The following LDB2 variants were observed in gnomAD, a reference collection of about 807,000 sequenced individuals.
LDB2 encodes LIM domain binding 2.
In LDB2, 12 loss-of-function variants were observed where a neutral mutation model predicts 44.3. That is an observed-to-expected ratio of 0.27 (90% CI 0.17 to 0.44). The LOEUF is 0.44. Among genes scored for constraint, LDB2 ranks in the 20% least tolerant of loss-of-function variants. The pLI is 1.00. For synonymous variants in LDB2, 164 were observed against 174.8 expected (o/e 0.94, Z 0.49); for missense variants, 344 against 473.5 (o/e 0.73, Z 2.54).
At chr4:16,752,558 G>A in intron 2 of LDB2, 1 of 357,086 alleles carries the variant, frequency 2.8e-6, no homozygotes, top group Non-Finnish European at 5.4e-6. Context: ...GTAATTTGAA[G>A]TGGCTGTTGT....
intron 1 of LDB2, among the ~76,000 whole-genome samples, chr4:16,856,150 T>C (rs13150373): frequency 0.13 from 20,141 of 152,188 alleles, 1,448 homozygotes; most frequent in Middle Eastern, 0.2. Context: ...CCATCCACCC[T>C]TTATTAAACA....
intron 1 of LDB2, among the ~76,000 whole-genome samples, chr4:16,765,554 T>G (rs1321747783): frequency 6.6e-6 from 1 of 152,218 alleles, no homozygotes; most frequent in Non-Finnish European, 1.5e-5. Context: ...CTACGTTACT[T>G]AAGGATAGGG....
chr4:16,532,732 G>C (rs573058415), intron 5 of LDB2, among the ~76,000 whole-genome samples: 2 of 152,036 alleles, frequency 1.3e-5, no homozygotes, highest in South Asian at 4.2e-4. Context: ...ACCTTGCTCC[G>C]AATAATAACC....
intron 5 of LDB2, among the ~76,000 whole-genome samples, chr4:16,585,566 T>C (rs1020966070): frequency 6.6e-6 from 1 of 152,168 alleles, no homozygotes; most frequent in African/African-American, 2.4e-5. Context: ...GACCAGTGCC[T>C]GGGTGGAGGC....
chr4:16,786,550 T>C (rs1367588387), intron 1 of LDB2, among the ~76,000 whole-genome samples: 1 of 152,096 alleles, frequency 6.6e-6, no homozygotes, highest in African/African-American at 2.4e-5. Context: ...CTGCATAGTT[T>C]TTCAGTTTTC....
At chr4:16,644,432 T>TC (rs1433137013) in intron 2 of LDB2, among the ~76,000 whole-genome samples, 19 of 150,576 alleles carry the variant, frequency 1.3e-4, no homozygotes, top group African/African-American at 4.6e-4. Context: ...TTTTTTTCTT[T>TC]TTTTTTTTTT....
chr4:16,632,822 C>G (rs1310555951), intron 2 of LDB2, among the ~76,000 whole-genome samples: 1 of 152,198 alleles, frequency 6.6e-6, no homozygotes, highest in African/African-American at 2.4e-5. Flanking sequence ...AATAGGAACA[C>G]TTTTACACTG....
chr4:16,672,410 A>G (rs1386570410), intron 2 of LDB2, among the ~76,000 whole-genome samples: 1 of 152,202 alleles, frequency 6.6e-6, no homozygotes. Context: ...CTGAAAGTTC[A>G]TTGGCACCAT....
chr4:16,824,585 CA>C (rs888035544), intron 1 of LDB2, among the ~76,000 whole-genome samples: 3 of 152,140 alleles, frequency 2.0e-5, no homozygotes, highest in Non-Finnish European at 4.4e-5. Flanking sequence ...TGTCTTTGTC[CA>C]AGAGGCAAAG....
intron 1 of LDB2, among the ~76,000 whole-genome samples, chr4:16,876,085 C>T (rs973964047): frequency 4.0e-4 from 61 of 152,192 alleles, no homozygotes; most frequent in African/African-American, 1.2e-3. Context: ...TGGGCCATTC[C>T]GCAACCAACT....
rs531287335 is a variant in LDB2 at position 16,665,851 on chromosome 4, T to C, written c.236-69976A>G. Among the ~76,000 whole-genome samples the C allele has an allele frequency of 1.2e-3, 177 of 152,192 alleles. 1 individual carries two copies. The highest frequency in any genetic ancestry group is 3.4e-3 in the Middle Eastern group (1 of 294). Reference sequence around the variant, plus strand: ...CCCTAAATCTAATGACAAGTCCTTATAGGTGAAGAGAAGGGAAAACAGATA... The same window carrying C: ...CCCTAAATCTAATGACAAGTCCTTACAGGTGAAGAGAAGGGAAAACAGATA... On this transcript the variant is annotated intron_variant, in intron 2 of 7. Transcript: ENST00000304523.
At chr4:16,555,809 C>G (rs1362555414) in intron 5 of LDB2, among the ~76,000 whole-genome samples, 1 of 152,128 alleles carries the variant, frequency 6.6e-6, no homozygotes, top group East Asian at 1.9e-4. Context: ...TCAAATTGTT[C>G]TGAAGCATGG....
At chr4:16,733,869 A>G (rs1203827957) in intron 2 of LDB2, among the ~76,000 whole-genome samples, 3 of 152,194 alleles carry the variant, frequency 2.0e-5, no homozygotes, top group East Asian at 1.9e-4. Flanking sequence ...TCACACTATC[A>G]TCACATATTG....
intron 1 of LDB2, among the ~76,000 whole-genome samples, chr4:16,839,150 T>G (rs1028477685): frequency 1.1e-4 from 17 of 152,180 alleles, no homozygotes; most frequent in African/African-American, 4.1e-4. Context: ...TGAGCAAGCA[T>G]AGTAGTTCAT....
At chr4:16,507,556 C>T (rs977080005) in intron 7 of LDB2, among the ~76,000 whole-genome samples, 15 of 151,914 alleles carry the variant, frequency 9.9e-5, no homozygotes, top group African/African-American at 1.7e-4. Flanking sequence ...GTGGGAAAGA[C>T]GGAAAAGGTA....
At chr4:16,815,100 A>C (rs1379464682) in intron 1 of LDB2, among the ~76,000 whole-genome samples, 1 of 152,232 alleles carries the variant, frequency 6.6e-6, no homozygotes, top group African/African-American at 2.4e-5. Context: ...CATGAACTTT[A>C]ATAAACATTT....
At chr4:16,617,133 T>G (rs1657007994) in intron 2 of LDB2, among the ~76,000 whole-genome samples, 1 of 152,048 alleles carries the variant, frequency 6.6e-6, no homozygotes, top group Non-Finnish European at 1.5e-5. Flanking sequence ...TGATCCCCAG[T>G]TTTATAACAA....
intron 2 of LDB2, among the ~76,000 whole-genome samples, chr4:16,597,714 CTTTA>C (rs1721393411): frequency 6.6e-6 from 1 of 152,116 alleles, no homozygotes; most frequent in Non-Finnish European, 1.5e-5. Flanking sequence ...TAACATTATA[CTTTA>C]TTTATCATGA....
intron 2 of LDB2, among the ~76,000 whole-genome samples, chr4:16,718,404 G>A (rs546861094): frequency 6.6e-6 from 1 of 152,208 alleles, no homozygotes; most frequent in East Asian, 1.9e-4. Flanking sequence ...ACAATTTAAA[G>A]AATTTTTCAA....
Sources: allele counts gnomAD v4.1 joint callset (sites outside exome capture counted in the v4.1 genomes callset), GRCh38; gene constraint gnomAD v4.1.1; transcripts MANE v1.5; gene names NCBI Gene and HGNC (gene_info 2026-07-23, HGNC 2026-07-21).